Variants in ANKRD22 observed in about 807,000 individuals in gnomAD.
ANKRD22 encodes the protein ankyrin repeat domain-containing protein 22.
ANKRD22 carries 24 observed loss-of-function variants against 25.7 expected under a neutral mutation model. That is an observed-to-expected ratio of 0.93 (90% CI 0.68 to 1.31). ANKRD22 has a LOEUF of 1.31. Among genes scored for constraint, ANKRD22 ranks in the 50% most tolerant of loss-of-function variants. The probability of loss-of-function intolerance (pLI) is 0.00; values close to 1 mark genes in which losing one functional copy is unlikely to be tolerated. For missense variants in ANKRD22, 214 were observed against 227.1 expected, an observed-to-expected ratio of 0.94 and a Z score of 0.37; for synonymous variants, 84 against 84.3, an observed-to-expected ratio of 1.00 and a Z score of 0.02.
intron 1 of ANKRD22, among the ~76,000 whole-genome samples, chr10:88,850,433 G>A (rs1730701781): frequency 6.6e-6 from 1 of 152,076 alleles, no homozygotes; most frequent in South Asian, 2.1e-4. Flanking sequence ...GAAAGCACTG[G>A]CCTGTGGCAG....
intron 4 of ANKRD22, among the ~76,000 whole-genome samples, chr10:88,823,827 C>A (rs1444693702): frequency 4.6e-3 from 480 of 103,484 alleles, no homozygotes; most frequent in Middle Eastern, 0.012. Context: ...GACTCCGTCT[C>A]AAAAAAAAAA....
chr10:88,845,024 C>T (rs996915508), intron 1 of ANKRD22, among the ~76,000 whole-genome samples: 1 of 152,052 alleles, frequency 6.6e-6, no homozygotes, highest in Non-Finnish European at 1.5e-5. Flanking sequence ...ACAAGGAGAA[C>T]TTCTGGGGCA....
At chr10:88,825,376 C>T (rs1843846266) in intron 4 of ANKRD22, among the ~76,000 whole-genome samples, 1 of 152,206 alleles carries the variant, frequency 6.6e-6, no homozygotes. Flanking sequence ...GAAAACAACA[C>T]CTTATGCTCA....
intron 1 of ANKRD22, among the ~76,000 whole-genome samples, chr10:88,835,857 A>G (rs1040424285): frequency 2.0e-5 from 3 of 152,206 alleles, no homozygotes; most frequent in African/African-American, 4.8e-5. Context: ...GGGAAGTCCA[A>G]TAGAAAGTGC....
intron 1 of ANKRD22, among the ~76,000 whole-genome samples, chr10:88,850,732 T>C (rs924638781): frequency 5.9e-5 from 9 of 152,010 alleles, no homozygotes; most frequent in Admixed American, 3.3e-4. Flanking sequence ...ATACCTAGAG[T>C]TATAAACCAA....
chr10:88,843,201 C>G (rs1301731896), intron 1 of ANKRD22, among the ~76,000 whole-genome samples: 1 of 152,152 alleles, frequency 6.6e-6, no homozygotes, highest in Non-Finnish European at 1.5e-5. Flanking sequence ...TTCCTAAAAT[C>G]AACTCTTACC....
Position 88,820,145 on chromosome 10 carries a change from C to T in ANKRD22, c.*2796G>A. 7 of 1,091,544 alleles carry T rather than the reference C, an allele frequency of 6.4e-6. No individual in the cohort carries two copies. Among genetic ancestry groups the T allele is most frequent in the Non-Finnish European group, 9.1e-6 (7 of 772,472 alleles). 67.6% of individuals were successfully genotyped at this position (1,091,544 alleles called of 1,614,324 possible). ...ATGTACCCTTCACCACAACAGATGG[C>T]ATGTTTATTATGTCTATTTGAAACA... is the stretch of plus-strand genomic sequence containing the variant. On this transcript the variant is annotated 3_prime_UTR_variant, in exon 6 of 6. Coordinates refer to ENST00000371930, the MANE Select transcript of ANKRD22 (RefSeq NM_144590.3).
chr10:88,837,598 T>C lies in ANKRD22; in HGVS notation c.22-5572A>G, dbSNP rs185648162. ...TGCCAGAAAGTCAGAGGTTTGATCT[T>C]CATTCATTATACTACTATATATTTG... is the stretch of plus-strand genomic sequence containing the variant. On this transcript the variant is annotated intron_variant, in intron 1 of 5. Transcript: ENST00000371930. 3.2e-3 allele frequency among the ~76,000 whole-genome samples: 481 copies of C among 152,362 alleles called. 2 individuals are homozygous for C. The highest frequency in any genetic ancestry group is 5.1e-3 in the Non-Finnish European group (348 of 68,040).
chr10:88,849,005 CAT>C (rs1564608740), intron 1 of ANKRD22, among the ~76,000 whole-genome samples: 2 of 95,052 alleles, frequency 2.1e-5, no homozygotes, highest in Non-Finnish European at 4.6e-5. Context: ...TGTGCATGTG[CAT>C]GTGTGTGTGT....
chr10:88,843,111 C>T (rs369360015), intron 1 of ANKRD22, among the ~76,000 whole-genome samples: 2 of 152,124 alleles, frequency 1.3e-5, no homozygotes, highest in East Asian at 3.9e-4. Flanking sequence ...TGTTTCTTGA[C>T]CTCATCTTCA....
chr10:88,831,519 G>A (rs116122254), intron 2 of ANKRD22, among the ~76,000 whole-genome samples: 2,217 of 152,240 alleles, frequency 0.015, 63 homozygotes, highest in African/African-American at 0.05. Flanking sequence ...ATGAGAAAGA[G>A]GGGAGAGGAA....
At chr10:88,834,054 G>T (rs1328675317) in intron 1 of ANKRD22, among the ~76,000 whole-genome samples, 1 of 152,202 alleles carries the variant, frequency 6.6e-6, no homozygotes, top group African/African-American at 2.4e-5. Flanking sequence ...TGGGACTCTA[G>T]TCTCAACCAA....
rs1341368216 is a variant in ANKRD22 at position 88,820,085 on chromosome 10, G to A, written c.*2856C>T. 1.6e-6 allele frequency: 1 copy of A among 637,000 alleles called. No homozygotes were observed. Among genetic ancestry groups the A allele is most frequent in the Non-Finnish European group, 2.6e-6 (1 of 382,800 alleles). The allele number at this position is 637,000 out of a possible 1,614,324, so 39.5% of individuals were successfully genotyped here. On this transcript the variant is annotated 3_prime_UTR_variant, in exon 6 of 6. Coordinates refer to ENST00000371930, the MANE Select transcript of ANKRD22 (RefSeq NM_144590.3). ...TTACCTTAAAGTAAGGGCGGGAACA[G>A]AAATTCTTAACAGAGTTGTGTGGCT...
intron 4 of ANKRD22, among the ~76,000 whole-genome samples, chr10:88,825,567 T>C (rs1371219361): frequency 6.6e-6 from 1 of 152,268 alleles, no homozygotes; most frequent in Admixed American, 6.5e-5. Flanking sequence ...TACTACATTC[T>C]GAGCATGTGC....
chr10:88,837,484 C>T (rs1418764624), intron 1 of ANKRD22, among the ~76,000 whole-genome samples: 1 of 152,084 alleles, frequency 6.6e-6, no homozygotes, highest in East Asian at 1.9e-4. Context: ...TAGTCTCCTA[C>T]ATAGAAGGAA....
intron 1 of ANKRD22, among the ~76,000 whole-genome samples, chr10:88,850,298 T>A (rs539215559): frequency 6.6e-6 from 1 of 151,926 alleles, no homozygotes; most frequent in South Asian, 2.1e-4. Context: ...AAATCACATA[T>A]AATTCCCACA....
At chr10:88,832,875 G>A (rs1589324948) in intron 1 of ANKRD22, among the ~76,000 whole-genome samples, 1 of 152,266 alleles carries the variant, frequency 6.6e-6, no homozygotes, top group South Asian at 2.1e-4. Flanking sequence ...ACCAAACCAT[G>A]TTTGGTACCT....
chr10:88,829,122 A>C (rs1434739194), intron 2 of ANKRD22, among the ~76,000 whole-genome samples: 1 of 152,214 alleles, frequency 6.6e-6, no homozygotes, highest in East Asian at 1.9e-4. Context: ...CATAGTCTAG[A>C]AGAATGCATA....
intron 3 of ANKRD22, 47 bp from the exon 4 acceptor site, chr10:88,826,162 C>A (rs1488551858): frequency 6.7e-7 from 1 of 1,490,026 alleles, no homozygotes; most frequent in African/African-American, 1.4e-5. Context: ...CAAATAGTTT[C>A]TCCAATTTAT....
Sources: allele counts gnomAD v4.1 joint callset (sites outside exome capture counted in the v4.1 genomes callset), GRCh38; gene constraint gnomAD v4.1.1; transcripts MANE v1.5; gene names NCBI Gene and HGNC (gene_info 2026-07-23, HGNC 2026-07-21).